Variants in CSMD1 observed in about 807,000 individuals in gnomAD.
The protein encoded by CSMD1 is CUB and sushi domain-containing protein 1.
Under a neutral mutation model 417.5 loss-of-function variants are expected in CSMD1, and 213 were observed. The observed-to-expected ratio is 0.51, with a 90% CI of 0.46 to 0.57. The LOEUF is 0.57. CSMD1 is among the 20% of genes least tolerant of loss of function. The pLI is 0.00. For missense variants in CSMD1, 6,923 were observed against 4,529.7 expected (o/e 1.53, Z -15.17); for synonymous variants, 2,862 against 1,736.8 (o/e 1.65, Z -16.11).
intron 7 of CSMD1, among the ~76,000 whole-genome samples, chr8:3,650,361 T>C (rs1049204499): frequency 6.6e-6 from 1 of 152,146 alleles, no homozygotes; most frequent in African/African-American, 2.4e-5. Flanking sequence ...TACCTTTACT[T>C]ACATGTGTTA....
chr8:4,354,876 G>GTC, intron 3 of CSMD1, among the ~76,000 whole-genome samples: 1 of 139,464 alleles, frequency 7.2e-6, no homozygotes, highest in South Asian at 2.2e-4. Context: ...GTGTGTGTGT[G>GTC]TGTGTGTGTG....
chr8:4,576,447 A>C (rs1799140617), intron 2 of CSMD1, among the ~76,000 whole-genome samples: 1 of 152,218 alleles, frequency 6.6e-6, no homozygotes, highest in African/African-American at 2.4e-5. Flanking sequence ...GTTTTTCCTT[A>C]ATAGTCCTTC....
chr8:4,337,767 T>C (rs1456971082), intron 3 of CSMD1, among the ~76,000 whole-genome samples: 1 of 152,158 alleles, frequency 6.6e-6, no homozygotes, highest in East Asian at 1.9e-4. Flanking sequence ...TACATTGGGC[T>C]GGAGTTATTT....
chr8:4,850,191 A>C (rs144440628), intron 1 of CSMD1, among the ~76,000 whole-genome samples: 9 of 152,086 alleles, frequency 5.9e-5, no homozygotes, highest in African/African-American at 2.2e-4. Flanking sequence ...AAGATCATTA[A>C]CCTATTTTTT....
chr8:4,033,171 T>C (rs368975215), intron 3 of CSMD1, among the ~76,000 whole-genome samples: 1 of 133,438 alleles, frequency 7.5e-6, no homozygotes, highest in Non-Finnish European at 1.5e-5. Flanking sequence ...CCAGGCACGG[T>C]AGCTCACGCC....
intron 1 of CSMD1, among the ~76,000 whole-genome samples, chr8:4,867,391 G>T (rs534496741): frequency 6.6e-6 from 1 of 151,980 alleles, no homozygotes; most frequent in Non-Finnish European, 1.5e-5. Context: ...TTATTTGAAA[G>T]GTATTACTAA....
chr8:4,818,599 C>T (rs771344568), intron 1 of CSMD1, among the ~76,000 whole-genome samples: 20 of 152,190 alleles, frequency 1.3e-4, no homozygotes, highest in Non-Finnish European at 2.2e-4. Context: ...ATGTGTCAGG[C>T]CACTTGTCAC....
At chr8:3,293,269 C>A in intron 25 of CSMD1, among the ~76,000 whole-genome samples, 1 of 152,154 alleles carries the variant, frequency 6.6e-6, no homozygotes, top group East Asian at 1.9e-4. Context: ...TTTTTTCCTT[C>A]ATTTCAACTT....
intron 3 of CSMD1, among the ~76,000 whole-genome samples, chr8:4,389,937 G>C (rs531816291): frequency 6.6e-6 from 1 of 152,136 alleles, no homozygotes; most frequent in Non-Finnish European, 1.5e-5. Context: ...GAATAGCTCT[G>C]TGTATGTCCT....
At chr8:4,731,573 A>G (rs1369279255) in intron 1 of CSMD1, among the ~76,000 whole-genome samples, 1 of 152,144 alleles carries the variant, frequency 6.6e-6, no homozygotes, top group Non-Finnish European at 1.5e-5. Flanking sequence ...TTTATTGAAT[A>G]TTTTGAGGAG....
intron 3 of CSMD1, among the ~76,000 whole-genome samples, chr8:4,268,082 T>G (rs953330105): frequency 1.3e-5 from 2 of 152,104 alleles, no homozygotes; most frequent in Non-Finnish European, 2.9e-5. Flanking sequence ...ATCCACAAAT[T>G]GAAACATTGT....
rs113875413 is a variant in CSMD1, at chr8:4,273,984, A to G, written c.415+145969T>C. On this transcript the variant is annotated intron_variant, in intron 3 of 69. Transcript: ENST00000635120. ...TATTCAGAACGACATTTGTATTGCT[A>G]TCAGTGATAACCGCATGCATTTTTT... 2.0e-3 allele frequency among the ~76,000 whole-genome samples: 305 copies of G among 152,278 alleles called. 1 individual carries two copies. The highest frequency in any genetic ancestry group is 6.5e-3 in the African/African-American group (270 of 41,572).
chr8:3,420,858 AAAT>A (rs1813443996), intron 12 of CSMD1, among the ~76,000 whole-genome samples: 1 of 152,170 alleles, frequency 6.6e-6, no homozygotes. Context: ...AATATATTAA[AAAT>A]AATAAGTAAA....
chr8:4,028,772 T>C (rs907819308), intron 4 of CSMD1, among the ~76,000 whole-genome samples: 1 of 152,224 alleles, frequency 6.6e-6, no homozygotes, highest in Non-Finnish European at 1.5e-5. Context: ...TTAAATGGTA[T>C]AATCCAAGTG....
intron 5 of CSMD1, among the ~76,000 whole-genome samples, chr8:3,886,624 G>A (rs2975339): frequency 0.2 from 30,408 of 152,060 alleles, 3,274 homozygotes; most frequent in East Asian, 0.28. Flanking sequence ...CCCATAGGCT[G>A]CAGTTTGCTG....
chr8:4,991,190 A>G (rs1811446162), intron 1 of CSMD1, among the ~76,000 whole-genome samples: 1 of 152,228 alleles, frequency 6.6e-6, no homozygotes, highest in South Asian at 2.1e-4. Flanking sequence ...GAGCCAGCAT[A>G]CACAGAATTA....
At chr8:3,461,401 C>T (rs1006341574) in intron 12 of CSMD1, among the ~76,000 whole-genome samples, 1 of 152,162 alleles carries the variant, frequency 6.6e-6, no homozygotes, top group East Asian at 1.9e-4. Context: ...ACCCTAAATC[C>T]ACGGCCATAA....
Position 3,097,007 on chromosome 8 carries a change from C to A in CSMD1, c.6980G>T (p.Gly2327Val). 1 of 1,552,254 alleles carries A rather than the reference C, an allele frequency of 6.4e-7. No individual in the cohort carries two copies. The highest frequency in any genetic ancestry group is 8.7e-7 in the Non-Finnish European group (1 of 1,147,696). ...AQCPANEVRT[G>V]SSGVILSPGY... ...TGGACTGAGAATGACTCCCGATGAT[C>A]CAGTCCGGACTTCATTTGCTGGGCA... The change falls in exon 47 of 70, where the codon GGA becomes GTA. Residue 2327 changes from glycine (G) to valine (V), a missense_variant. Coordinates refer to ENST00000635120, the MANE Select transcript of CSMD1 (RefSeq NM_033225.6).
chr8:3,730,491 T>C (rs974036381), intron 6 of CSMD1, among the ~76,000 whole-genome samples: 2 of 151,836 alleles, frequency 1.3e-5, no homozygotes, highest in African/African-American at 4.8e-5. Flanking sequence ...TATCCCTTAA[T>C]TGACTGATGC....
Sources: allele counts gnomAD v4.1 joint callset (sites outside exome capture counted in the v4.1 genomes callset), GRCh38; gene constraint gnomAD v4.1.1; transcripts MANE v1.5; gene names NCBI Gene and HGNC (gene_info 2026-07-23, HGNC 2026-07-21).